The following ACAT1 variants were observed in gnomAD, a reference collection of about 807,000 sequenced individuals.
The protein encoded by ACAT1 is acetyl-CoA acetyltransferase, mitochondrial.
In ACAT1, 28 loss-of-function variants were observed where a neutral mutation model predicts 47.3. The observed-to-expected ratio is 0.59, with a 90% CI of 0.44 to 0.81. The LOEUF (loss-of-function observed/expected upper bound fraction) is 0.81, where lower values mean the gene tolerates loss of function less well. ACAT1 is among the 30% of genes least tolerant of loss of function. ACAT1 has a pLI of 0.00. For missense variants in ACAT1, 469 were observed against 524.3 expected, an observed-to-expected ratio of 0.89 and a Z score of 1.03; for synonymous variants, 181 against 173.6, an observed-to-expected ratio of 1.04 and a Z score of -0.34.
At chr11:108,143,666 T>C (rs1565295616) in intron 9 of ACAT1, 2 of 239,030 alleles carry the variant, frequency 8.4e-6, no homozygotes, top group Non-Finnish European at 1.6e-5. Context: ...GACTGTTCTA[T>C]GCATTGTAGA....
intron 6 of ACAT1, 198 bp downstream of exon 6, chr11:108,139,239 A>C: frequency 1.5e-6 from 1 of 655,178 alleles, no homozygotes; most frequent in Admixed American, 2.6e-5. Flanking sequence ...CCACATTTAA[A>C]TAGGGTAATT....
upstream of ACAT1, among the ~76,000 whole-genome samples, chr11:108,116,765 C>T (rs1331424061): frequency 6.6e-6 from 1 of 152,084 alleles, no homozygotes; most frequent in Non-Finnish European, 1.5e-5. Flanking sequence ...ACTGATGCCT[C>T]TACAAAGCCA....
chr11:108,144,281 C>A, intron 10 of ACAT1: 2 of 553,812 alleles, frequency 3.6e-6, no homozygotes, highest in Non-Finnish European at 6.4e-6. Flanking sequence ...TAAAACTACA[C>A]ATCTGAATTA....
chr11:108,143,886 G>A (rs995513351), intron 9 of ACAT1, 97 bp from the exon 10 acceptor site: 4 of 1,394,336 alleles, frequency 2.9e-6, no homozygotes, highest in Non-Finnish European at 3.0e-6. Flanking sequence ...AAGGGGCTAG[G>A]AAATGTGCAT....
chr11:108,122,321 G>A (rs1018287952), intron 1 of ACAT1, among the ~76,000 whole-genome samples: 3 of 152,268 alleles, frequency 2.0e-5, no homozygotes, highest in Non-Finnish European at 4.4e-5. Flanking sequence ...CAGGGGCAGA[G>A]TCTCAAAGAA....
chr11:108,119,998 C>T (rs990828978), upstream of ACAT1, among the ~76,000 whole-genome samples: 6 of 152,032 alleles, frequency 3.9e-5, no homozygotes, highest in African/African-American at 9.7e-5. Context: ...GGGCGGATTG[C>T]GTGAGCTCAG....
upstream of ACAT1, among the ~76,000 whole-genome samples, chr11:108,118,201 GC>G (rs1263340085): frequency 6.6e-6 from 1 of 152,094 alleles, no homozygotes; most frequent in Non-Finnish European, 1.5e-5. Flanking sequence ...GATTGCTTGG[GC>G]CCAGGAGTTG....
At chr11:108,121,270 C>T (rs947757930), upstream of ACAT1, 3 of 450,670 alleles carry the variant, frequency 6.7e-6, no homozygotes, top group African/African-American at 4.0e-5. Flanking sequence ...GAAACATGCT[C>T]AGTAAATCGA....
chr11:108,130,864 C>T (rs896890501), intron 1 of ACAT1, among the ~76,000 whole-genome samples: 1 of 152,208 alleles, frequency 6.6e-6, no homozygotes, highest in African/African-American at 2.4e-5. Flanking sequence ...ATTCTTCTGC[C>T]TCATCCTCCT....
In ACAT1 at chr11:108,145,875, G is replaced by T. The variant is rs141608119; in HGVS notation, c.1006-327G>T. Among the ~76,000 whole-genome samples, 8 of 152,180 alleles carry T rather than the reference G, an allele frequency of 5.3e-5. No individual in the cohort carries two copies. In the East Asian group the frequency reaches 1.6e-3, roughly 30 times the overall value. The stretch of plus-strand genomic sequence containing the variant: ...GCCTGGCCAAACATGGTGAAACCCT[G>T]TCTCTACTAAAAATACAAAAAATTA... On this transcript the variant is annotated intron_variant, in intron 10 of 11. Coordinates refer to ENST00000265838, the MANE Select transcript of ACAT1 (RefSeq NM_000019.4).
rs146638726 is a variant in ACAT1, at chr11:108,141,936, T to C, written c.826+236T>C. On this transcript the variant is annotated intron_variant, in intron 8 of 11. Coordinates refer to ENST00000265838, the MANE Select transcript of ACAT1 (RefSeq NM_000019.4). ...TCAGTTTTTCATATGTAGCAGTCTA[T>C]GATAGGGTCTTCATTGGCATTGAAA... Among the ~76,000 whole-genome samples the C allele has an allele frequency of 3.9e-3, 596 of 152,340 alleles. 5 individuals carry two copies. The highest frequency in any genetic ancestry group is 6.6e-3 in the Non-Finnish European group (452 of 68,024).
intron 10 of ACAT1, 32 bp from the exon 11 acceptor site, chr11:108,146,170 T>C (rs778599195): frequency 1.2e-5 from 18 of 1,539,710 alleles, no homozygotes; most frequent in Middle Eastern, 2.1e-4. Context: ...TGCTAATTAT[T>C]TGAACATCAT....
rs2134768688 is a variant in ACAT1 at position 108,141,637 on chromosome 11, G to T, written c.763G>T (p.Glu255Ter). 2.5e-6 allele frequency: 4 copies of T among 1,613,356 alleles called. No homozygotes were observed. The highest frequency in any genetic ancestry group is 3.4e-6 in the Non-Finnish European group (4 of 1,179,794). The change falls in exon 8 of 12, where the codon GAA (glutamate) becomes TAA (stop). Residue 255 changes from glutamate (E) to a stop codon, truncating the protein, a stop_gained. Transcript: ENST00000265838. LOFTEE classifies it high-confidence loss of function. ...QPDVVVKEDE[E>*]YKRVDFSKVP... ...AGATGTAGTGGTGAAAGAAGATGAA[G>T]AATATAAACGTGTTGATTTTAGCAA...
At chr11:108,121,289 G>A (rs376263677), upstream of ACAT1, 2 of 488,914 alleles carry the variant, frequency 4.1e-6, no homozygotes, top group Non-Finnish European at 7.5e-6. Context: ...GAAAAATCTC[G>A]GATTACACAT....
chr11:108,139,841 C>CG (rs1565292701), intron 6 of ACAT1, among the ~76,000 whole-genome samples: 1 of 151,810 alleles, frequency 6.6e-6, no homozygotes, highest in African/African-American at 2.4e-5. Context: ...TTAGTAGAGA[C>CG]GGGGTTTCAC....
At position 108,143,957 on chromosome 11, in the gene ACAT1, A is replaced by ACCC. The variant is rs5794588; in HGVS notation, c.941-16_941-14dup. 13 of 875,698 alleles carry ACCC rather than the reference A, an allele frequency of 1.5e-5. No homozygotes were observed. The African/African-American group carries it at 1.5e-4, about 10-fold the overall frequency. The allele number at this position is 875,698 out of a possible 1,614,324, so 54.2% of individuals were successfully genotyped here. ...CAGTAAAAAAAAAAAGATTTTAACA[A>ACCC]CCCCCCCCCCCCTTTTTTTAAACAG... is the stretch of plus-strand genomic sequence containing the variant. On this transcript the variant is annotated intron_variant, in intron 9 of 11. Coordinates refer to ENST00000265838, the MANE Select transcript of ACAT1 (RefSeq NM_000019.4).
rs140658395 is a variant in ACAT1, at chr11:108,136,414, G to A, written c.435+1172G>A. The A allele has an allele frequency of 4.4e-3, 1,070 of 244,582 alleles. 13 individuals are homozygous for A. The highest frequency in any genetic ancestry group is 0.02 in the African/African-American group (889 of 44,966). The allele number at this position is 244,582 out of a possible 1,614,324, so 15.2% of individuals were successfully genotyped here. ...ACCAGTTAGACTTTCCAAAAATTGT[G>A]TGACTTGTCTGGATCTGCACCACCA... is the stretch of plus-strand genomic sequence containing the variant. On this transcript the variant is annotated intron_variant, in intron 5 of 11. Transcript: ENST00000265838.
intron 8 of ACAT1, among the ~76,000 whole-genome samples, chr11:108,142,165 C>T (rs1176630307): frequency 2.0e-5 from 3 of 152,042 alleles, no homozygotes; most frequent in African/African-American, 7.2e-5. Flanking sequence ...TTAACTGGTC[C>T]CTATGTTTCA....
At chr11:108,134,358 A>T in intron 4 of ACAT1, 42 bp downstream of exon 4, 4 of 1,533,190 alleles carry the variant, frequency 2.6e-6, no homozygotes. Context: ...AAAATGTGTA[A>T]AAGGGGCCGG....
Sources: gnomAD v4.1 joint callset for allele counts (sites outside exome capture counted in the v4.1 genomes callset) on GRCh38, gnomAD v4.1.1 for gene constraint, MANE v1.5 for transcripts, NCBI Gene and HGNC (gene_info 2026-07-23, HGNC 2026-07-21) for gene names.